RAPGEF5: variants seen among roughly 807,000 people sequenced by gnomAD.
RAPGEF5 encodes the protein Rap guanine nucleotide exchange factor 5, also known as M-Ras-regulated GEF.
A neutral mutation model predicts 125.2 loss-of-function variants in RAPGEF5; 65 were observed. That is an observed-to-expected ratio of 0.52 (90% CI 0.43 to 0.64). The LOEUF (loss-of-function observed/expected upper bound fraction) is 0.64, where lower values mean the gene tolerates loss of function less well. RAPGEF5 is among the 30% of genes least tolerant of loss of function. RAPGEF5 has a pLI of 0.00. For missense variants in RAPGEF5, 958 were observed against 1,048.1 expected (o/e 0.91, Z 1.19); for synonymous variants, 391 against 385.9 (o/e 1.01, Z -0.16).
chr7:22,265,459 A>G (rs1310723748), intron 7 of RAPGEF5, among the ~76,000 whole-genome samples: 2 of 152,162 alleles, frequency 1.3e-5, no homozygotes, highest in East Asian at 3.9e-4. Flanking sequence ...TGGCTGAATA[A>G]TATTTCATTG....
chr7:22,259,005 T>G (rs986036516), intron 7 of RAPGEF5, among the ~76,000 whole-genome samples: 3 of 151,980 alleles, frequency 2.0e-5, no homozygotes, highest in African/African-American at 7.3e-5. Flanking sequence ...CGAGAAAAAA[T>G]TGATAAGCTA....
At chr7:22,213,337 T>C (rs1234486153) in intron 9 of RAPGEF5, among the ~76,000 whole-genome samples, 1 of 152,210 alleles carries the variant, frequency 6.6e-6, no homozygotes, top group African/African-American at 2.4e-5. Context: ...CTTGTAAACC[T>C]TGTTCCTAAA....
chr7:22,282,520 T>C (rs939116861), intron 6 of RAPGEF5, among the ~76,000 whole-genome samples: 2 of 152,190 alleles, frequency 1.3e-5, no homozygotes, highest in Non-Finnish European at 2.9e-5. Flanking sequence ...TAAGTGATGA[T>C]AATGTGGAAA....
intron 3 of RAPGEF5, among the ~76,000 whole-genome samples, chr7:22,313,587 GGATA>G (rs1783522045): frequency 2.6e-5 from 4 of 152,194 alleles, no homozygotes; most frequent in Admixed American, 6.5e-5. Context: ...GTTCTAATTT[GGATA>G]GATGGATTTT....
chr7:22,327,210 T>C (rs1413249860), intron 1 of RAPGEF5, among the ~76,000 whole-genome samples: 4 of 152,184 alleles, frequency 2.6e-5, no homozygotes, highest in Non-Finnish European at 5.9e-5. Flanking sequence ...CACATAACAC[T>C]CTCTCCGCCT....
rs187906490 is a variant in RAPGEF5 at position 22,301,547 on chromosome 7, G to A, written c.680+6792C>T. Among the ~76,000 whole-genome samples the A allele has an allele frequency of 2.5e-3, 374 of 150,882 alleles. 3 individuals are homozygous for A. The highest frequency in any genetic ancestry group is 8.2e-3 in the African/African-American group (337 of 41,050). On this transcript the variant is annotated intron_variant, in intron 5 of 25. Transcript: ENST00000665637. ...GGAGAATGGCGTGAACCCGGGAGGC[G>A]GAGCTTGCAGTAAGCCGAGATCGTG... is the stretch of plus-strand genomic sequence containing the variant.
rs911546513 is a variant in RAPGEF5, at chr7:22,171,890, C to T, written c.1205-4742G>A. Among the ~76,000 whole-genome samples the T allele has an allele frequency of 6.6e-5, 10 of 152,330 alleles. 1 individual carries two copies. The highest frequency in any genetic ancestry group is 2.6e-4 in the Admixed American group (4 of 15,298). On this transcript the variant is annotated intron_variant, in intron 11 of 25. Coordinates refer to ENST00000665637, the MANE Select transcript of RAPGEF5 (RefSeq NM_012294.5). ...TAAATTTTTGGGACTATCCTCCCCA[C>T]TCCAAAATAAAATAATACTTTCGTA...
intron 6 of RAPGEF5, among the ~76,000 whole-genome samples, chr7:22,271,900 T>C (rs1262591791): frequency 6.6e-6 from 1 of 152,180 alleles, no homozygotes; most frequent in Non-Finnish European, 1.5e-5. Context: ...ATCCAAAGGC[T>C]CCCAGACCTG....
chr7:22,282,975 A>T (rs1782708826), intron 6 of RAPGEF5, among the ~76,000 whole-genome samples: 1 of 152,124 alleles, frequency 6.6e-6, no homozygotes, highest in Non-Finnish European at 1.5e-5. Flanking sequence ...GAACATATTA[A>T]ATAAAAAGTA....
intron 7 of RAPGEF5, 42 bp from the exon 8 acceptor site, chr7:22,230,961 A>G (rs1308133577): frequency 1.3e-6 from 2 of 1,517,008 alleles, no homozygotes; most frequent in Non-Finnish European, 1.8e-6. Flanking sequence ...ATCATCATAC[A>G]AAAAATGCTT....
chr7:22,321,077 A>G (rs1264227551), intron 1 of RAPGEF5, among the ~76,000 whole-genome samples: 1 of 152,232 alleles, frequency 6.6e-6, no homozygotes, highest in Non-Finnish European at 1.5e-5. Context: ...TATATAACCC[A>G]GAGAGATGAA....
At chr7:22,299,933 T>C (rs969810790) in intron 5 of RAPGEF5, among the ~76,000 whole-genome samples, 93 of 152,342 alleles carry the variant, frequency 6.1e-4, no homozygotes, top group African/African-American at 2.1e-3. Flanking sequence ...ATTTGTTTCT[T>C]AGTTGTTTTT....
intron 21 of RAPGEF5, 68 bp from the exon 22 acceptor site, chr7:22,137,051 G>C (rs971041739): frequency 2.0e-5 from 24 of 1,206,366 alleles, no homozygotes; most frequent in Non-Finnish European, 2.7e-5. Context: ...GCATCGAAGG[G>C]AGTTTTCATT....
chr7:22,347,704 C>T (rs1180822367), intron 1 of RAPGEF5, among the ~76,000 whole-genome samples: 1 of 152,194 alleles, frequency 6.6e-6, no homozygotes, highest in Non-Finnish European at 1.5e-5. Flanking sequence ...TGATCTTAGG[C>T]AACTCAACCT....
intron 11 of RAPGEF5, among the ~76,000 whole-genome samples, chr7:22,190,965 T>C (rs1049078235): frequency 6.6e-6 from 1 of 152,142 alleles, no homozygotes; most frequent in Non-Finnish European, 1.5e-5. Flanking sequence ...CTCAAGAACA[T>C]AAAAATGCTG....
intron 7 of RAPGEF5, among the ~76,000 whole-genome samples, chr7:22,252,502 A>G (rs1786649198): frequency 1.3e-5 from 2 of 152,164 alleles, no homozygotes; most frequent in Non-Finnish European, 2.9e-5. Context: ...TTACTATCTT[A>G]ATGGGCATGA....
chr7:22,275,716 T>TG (rs5882840), intron 6 of RAPGEF5, among the ~76,000 whole-genome samples: 36,486 of 151,946 alleles, frequency 0.24, 5,114 homozygotes, highest in African/African-American at 0.39. Context: ...TTGGAGACCA[T>TG]GGGGGTTGTT....
intron 9 of RAPGEF5, among the ~76,000 whole-genome samples, chr7:22,199,506 GT>G (rs1785226599): frequency 9.2e-6 from 1 of 109,174 alleles, no homozygotes; most frequent in Non-Finnish European, 1.7e-5. Flanking sequence ...CTAATTTTAT[GT>G]TATGTAAGTT....
chr7:22,186,859 A>G (rs1784840690), intron 11 of RAPGEF5, among the ~76,000 whole-genome samples: 2 of 152,230 alleles, frequency 1.3e-5, no homozygotes, highest in African/African-American at 4.8e-5. Flanking sequence ...CTATTTCTGA[A>G]TATCCCAAAA....
Sources: gnomAD v4.1 joint callset for allele counts (sites outside exome capture counted in the v4.1 genomes callset) on GRCh38, gnomAD v4.1.1 for gene constraint, MANE v1.5 for transcripts, NCBI Gene and HGNC (gene_info 2026-07-23, HGNC 2026-07-21) for gene names.